The following GNAI1 variants were observed in gnomAD, a reference collection of about 807,000 sequenced individuals.
The protein encoded by GNAI1 is G protein subunit alpha i1, also known as guanine nucleotide-binding protein G(i) subunit alpha-1.
A neutral mutation model predicts 38.9 loss-of-function variants in GNAI1; 11 were observed. That is an observed-to-expected ratio of 0.28 (90% confidence interval 0.18 to 0.47). GNAI1 has a LOEUF of 0.47. Ranked by LOEUF, GNAI1 falls within the 20% of genes least tolerant of loss-of-function variation. GNAI1 has a pLI of 0.99. For missense variants in GNAI1, 317 were observed against 436.9 expected, an observed-to-expected ratio of 0.73 and a Z score of 2.45; for synonymous variants, 166 against 145.1, an observed-to-expected ratio of 1.14 and a Z score of -1.04.
At chr7:80,166,995 T>C (rs1788021287) in intron 1 of GNAI1, among the ~76,000 whole-genome samples, 1 of 152,184 alleles carries the variant, frequency 6.6e-6, no homozygotes, top group South Asian at 2.1e-4. Context: ...GCTGATGAGG[T>C]GACTGTCATC....
intron 3 of GNAI1, among the ~76,000 whole-genome samples, chr7:80,189,979 G>A (rs1182382956): frequency 1.3e-5 from 2 of 151,698 alleles, no homozygotes; most frequent in Non-Finnish European, 2.9e-5. Context: ...ATTGCTTAAT[G>A]TATTTATTTC....
At chr7:80,191,382 T>G (rs768697884) in intron 3 of GNAI1, among the ~76,000 whole-genome samples, 4 of 152,092 alleles carry the variant, frequency 2.6e-5, no homozygotes, top group Non-Finnish European at 5.9e-5. Context: ...ATTTTATTAT[T>G]ATTATTATAT....
intron 1 of GNAI1, among the ~76,000 whole-genome samples, chr7:80,148,816 T>A (rs1268263223): frequency 6.6e-6 from 1 of 152,244 alleles, no homozygotes; most frequent in Non-Finnish European, 1.5e-5. Context: ...TGTTTACAAC[T>A]AATATCTCCA....
chr7:80,152,090 G>C (rs1451352370), intron 1 of GNAI1, among the ~76,000 whole-genome samples: 5 of 152,160 alleles, frequency 3.3e-5, no homozygotes, highest in African/African-American at 1.2e-4. Flanking sequence ...TAAGGTGGCA[G>C]GTAGTATTAA....
At chr7:80,177,853 AT>A (rs1223304438) in intron 1 of GNAI1, among the ~76,000 whole-genome samples, 2 of 152,204 alleles carry the variant, frequency 1.3e-5, no homozygotes, top group Non-Finnish European at 2.9e-5. Flanking sequence ...TTCATGTGTT[AT>A]TATGTGAGAA....
chr7:80,150,116 T>C (rs1202365344), intron 1 of GNAI1, among the ~76,000 whole-genome samples: 1 of 152,202 alleles, frequency 6.6e-6, no homozygotes, highest in Admixed American at 6.5e-5. Flanking sequence ...AAAACAATTT[T>C]GGGTAAAGCT....
At position 80,189,206 on chromosome 7, in the gene GNAI1, T is replaced by C. The variant is rs1400805039; in HGVS notation, c.278T>C (p.Ile93Thr). The C allele has an allele frequency of 1.2e-6, 2 of 1,610,702 alleles. No individual in the cohort carries two copies. Among genetic ancestry groups the C allele is most frequent in the South Asian group, 2.2e-5 (2 of 90,276 alleles). ...ATTAGGGCTATGGGGAGGTTGAAGA[T>C]AGACTTTGGTGACTCAGCCCGGGCG... is the stretch of plus-strand genomic sequence containing the variant. ...AIIRAMGRLK[I>T]DFGDSARADD... The change falls in exon 3 of 8, where the codon ATA becomes ACA. Residue 93 changes from isoleucine (I) to threonine (T), a missense_variant. By Grantham distance (89) the Ile-to-Thr change is moderately conservative. Coordinates refer to ENST00000649796, the MANE Select transcript of GNAI1 (RefSeq NM_002069.6).
At position 80,217,348 on chromosome 7, in the gene GNAI1, T is replaced by C; in HGVS notation, c.920T>C (p.Phe307Ser). ...GCAGCTGCATATATTCAATGTCAGT[T>C]TGAAGACCTCAATAAAAGAAAGGAC... ...EEAAAYIQCQ[F>S]EDLNKRKDTK... Residue 307 changes from phenylalanine to serine, a missense_variant, in exon 8 of 8, where the codon TTT (phenylalanine) becomes TCT (serine). Phe to Ser is a radical substitution (Grantham distance 155, BLOSUM62 -2). Coordinates refer to ENST00000649796, the MANE Select transcript of GNAI1 (RefSeq NM_002069.6). The C allele has an allele frequency of 6.2e-7, 1 of 1,605,038 alleles. No individual in the cohort carries two copies. The highest frequency in any genetic ancestry group is 8.5e-7 in the Non-Finnish European group (1 of 1,175,492).
chr7:80,164,231 G>C (rs1361239146), intron 1 of GNAI1, among the ~76,000 whole-genome samples: 1 of 151,782 alleles, frequency 6.6e-6, no homozygotes, highest in Non-Finnish European at 1.5e-5. Context: ...TTTTAGTAGA[G>C]ATGGAGTTTC....
At chr7:80,190,951 AT>A (rs903601687) in intron 3 of GNAI1, among the ~76,000 whole-genome samples, 141 of 144,946 alleles carry the variant, frequency 9.7e-4, no homozygotes, top group African/African-American at 3.0e-3. Context: ...CTCAAGCTCT[AT>A]TTTTTTTTTT....
intron 5 of GNAI1, among the ~76,000 whole-genome samples, chr7:80,210,393 T>C (rs556021214): frequency 9.2e-5 from 14 of 152,324 alleles, no homozygotes; most frequent in African/African-American, 3.1e-4. Context: ...ATCATGATTT[T>C]ACTTTTTATG....
intron 1 of GNAI1, among the ~76,000 whole-genome samples, chr7:80,177,849 T>A (rs1788217157): frequency 6.6e-6 from 1 of 152,230 alleles, no homozygotes; most frequent in Non-Finnish European, 1.5e-5. Context: ...AACTTTCATG[T>A]GTTATTATGT....
At chr7:80,138,079 A>C (rs556886502) in intron 1 of GNAI1, among the ~76,000 whole-genome samples, 1 of 152,354 alleles carries the variant, frequency 6.6e-6, no homozygotes, top group South Asian at 2.1e-4. Flanking sequence ...AACCAGTGTC[A>C]CAGCCATTTA....
chr7:80,187,020 C>G (rs1166984268), intron 1 of GNAI1: 2 of 152,140 alleles, frequency 1.3e-5, no homozygotes, highest in African/African-American at 4.8e-5. Context: ...ATGGAGAATG[C>G]CTTTATTGTT....
chr7:80,194,483 C>A (rs1788534904), intron 3 of GNAI1, among the ~76,000 whole-genome samples: 1 of 151,998 alleles, frequency 6.6e-6, no homozygotes, highest in South Asian at 2.1e-4. Context: ...GTTATTTCTT[C>A]CATTGTGTTT....
chr7:80,165,084 G>A (rs1787990314), intron 1 of GNAI1, among the ~76,000 whole-genome samples: 1 of 152,096 alleles, frequency 6.6e-6, no homozygotes, highest in South Asian at 2.1e-4. Context: ...GAAGGGAATT[G>A]ATTTAGGCTG....
intron 1 of GNAI1, among the ~76,000 whole-genome samples, chr7:80,175,497 G>A (rs528111882): frequency 6.7e-6 from 1 of 150,278 alleles, no homozygotes; most frequent in African/African-American, 2.4e-5. Context: ...TGGATTTAAT[G>A]TACAGGCATA....
intron 1 of GNAI1, among the ~76,000 whole-genome samples, chr7:80,148,489 C>T (rs180805633): frequency 2.0e-5 from 3 of 148,838 alleles, no homozygotes; most frequent in South Asian, 2.2e-4. Flanking sequence ...GGGTATATGT[C>T]GACGTTTATG....
intron 1 of GNAI1, among the ~76,000 whole-genome samples, chr7:80,165,852 TAGC>T (rs933731149): frequency 5.9e-5 from 9 of 152,178 alleles, no homozygotes; most frequent in African/African-American, 2.2e-4. Flanking sequence ...AATACTTTGA[TAGC>T]AGTTACTGTA....
Sources: gnomAD v4.1 joint callset for allele counts (sites outside exome capture counted in the v4.1 genomes callset) on GRCh38, gnomAD v4.1.1 for gene constraint, MANE v1.5 for transcripts, NCBI Gene and HGNC (gene_info 2026-07-23, HGNC 2026-07-21) for gene names.